SAMD4A: variants seen among roughly 807,000 people sequenced by gnomAD.
The protein encoded by SAMD4A is protein Smaug homolog 1.
SAMD4A carries 33 observed loss-of-function variants against 81.3 expected under a neutral mutation model. The ratio of observed to expected loss-of-function variants is 0.41; its 90% CI spans 0.31 to 0.54. SAMD4A has a LOEUF of 0.54. Among genes scored for constraint, SAMD4A ranks in the 20% least tolerant of loss-of-function variants. SAMD4A has a pLI of 0.37. For synonymous variants in SAMD4A, 389 were observed against 382.1 expected (o/e 1.02, Z -0.21); for missense variants, 854 against 951.1 (o/e 0.90, Z 1.34).
At chr14:54,771,672 A>G (rs1334959792) in intron 9 of SAMD4A, among the ~76,000 whole-genome samples, 4 of 152,218 alleles carry the variant, frequency 2.6e-5, no homozygotes, top group Admixed American at 2.0e-4. Context: ...CTTTTCTCTG[A>G]GAGCAGCAAT....
chr14:54,635,874 A>T (rs1350462593), intron 2 of SAMD4A, among the ~76,000 whole-genome samples: 3 of 152,248 alleles, frequency 2.0e-5, no homozygotes, highest in Non-Finnish European at 4.4e-5. Context: ...TCATTTATTC[A>T]ATCCAGAAAT....
At position 54,758,926 on chromosome 14, in the gene SAMD4A, G is replaced by A. The variant is rs182706971; in HGVS notation, c.1177-1235G>A. Among the ~76,000 whole-genome samples, 251 of 152,282 alleles carry A rather than the reference G, an allele frequency of 1.6e-3. 2 individuals carry two copies. Among genetic ancestry groups the A allele is most frequent in the African/African-American group, 5.9e-3 (243 of 41,536 alleles). The stretch of plus-strand genomic sequence containing the variant: ...GAAGACCTTGATGTGCAGAAACACA[G>A]GGAGAGCAGCTTTGTTGCAGAGGGC... On this transcript the variant is annotated intron_variant, in intron 6 of 12. Transcript: ENST00000554335.
At chr14:54,599,072 G>T (rs558782730) in intron 2 of SAMD4A, among the ~76,000 whole-genome samples, 4 of 152,010 alleles carry the variant, frequency 2.6e-5, no homozygotes, top group Non-Finnish European at 5.9e-5. Flanking sequence ...CTCCCACCTC[G>T]GCCTCCCAAA....
At chr14:54,688,764 C>T (rs1182363410) in intron 2 of SAMD4A, among the ~76,000 whole-genome samples, 1 of 152,104 alleles carries the variant, frequency 6.6e-6, no homozygotes, top group African/African-American at 2.4e-5. Flanking sequence ...ATCATGGTTC[C>T]CACCTGGTTT....
intron 2 of SAMD4A, among the ~76,000 whole-genome samples, chr14:54,591,546 GT>G (rs377233167): frequency 7.0e-6 from 1 of 143,878 alleles, no homozygotes; most frequent in Non-Finnish European, 1.5e-5. Context: ...TTTTTGTTTT[GT>G]TTTTTTTGAG....
chr14:54,659,403 C>T (rs908917653), intron 2 of SAMD4A, among the ~76,000 whole-genome samples: 2 of 151,966 alleles, frequency 1.3e-5, no homozygotes, highest in Admixed American at 6.6e-5. Context: ...TGTGTGTGTG[C>T]GTGCGCACGC....
At chr14:54,643,106 GA>G (rs2035210250) in intron 2 of SAMD4A, among the ~76,000 whole-genome samples, 2 of 152,238 alleles carry the variant, frequency 1.3e-5, no homozygotes, top group Non-Finnish European at 2.9e-5. Context: ...GCAGGAGGGG[GA>G]AAGTCTTTAA....
intron 2 of SAMD4A, among the ~76,000 whole-genome samples, chr14:54,644,435 A>G (rs536398463): frequency 1.6e-4 from 24 of 152,364 alleles, no homozygotes; most frequent in Admixed American, 5.9e-4. Flanking sequence ...CTGGCTATGT[A>G]CTTGACAGAA....
At chr14:54,571,078 G>T (rs1012061403) in intron 2 of SAMD4A, among the ~76,000 whole-genome samples, 1 of 152,148 alleles carries the variant, frequency 6.6e-6, no homozygotes, top group Non-Finnish European at 1.5e-5. Context: ...CTCGTTTTAT[G>T]CAGGACTGAT....
intron 4 of SAMD4A, among the ~76,000 whole-genome samples, chr14:54,738,550 C>T (rs926522719): frequency 2.0e-5 from 3 of 152,178 alleles, no homozygotes; most frequent in Non-Finnish European, 4.4e-5. Flanking sequence ...ATATAACAGG[C>T]AGCAAAAGCC....
intron 8 of SAMD4A, among the ~76,000 whole-genome samples, chr14:54,766,692 T>C (rs138444901): frequency 6.6e-6 from 1 of 152,132 alleles, no homozygotes; most frequent in Admixed American, 6.5e-5. Context: ...CAGCCTCTGA[T>C]AAAAGCACAC....
chr14:54,784,695 T>G, intron 12 of SAMD4A, 75 bp downstream of exon 12: 1 of 1,344,852 alleles, frequency 7.4e-7, no homozygotes, highest in Non-Finnish European at 1.1e-6. Context: ...CTGCTGTCTA[T>G]ACCGTGGCAG....
At chr14:54,757,731 CCT>C (rs1434891719) in intron 6 of SAMD4A, among the ~76,000 whole-genome samples, 1 of 152,166 alleles carries the variant, frequency 6.6e-6, no homozygotes, top group Non-Finnish European at 1.5e-5. Flanking sequence ...AAGCTTCATC[CCT>C]CTCTTTTCCC....
intron 2 of SAMD4A, among the ~76,000 whole-genome samples, chr14:54,684,606 A>ACCCCCCCCCCCCCCCCCCCCCCCCCC (rs2036207098): frequency 1.5e-5 from 1 of 68,758 alleles, no homozygotes; most frequent in African/African-American, 4.7e-5. Context: ...TTGGCCAGAC[A>ACCCCCCCCCCCCCCCCCCCCCCCCCC]CCCCCGCCCC....
intron 2 of SAMD4A, chr14:54,693,797 A>G (rs2140682568): frequency 6.6e-6 from 1 of 152,422 alleles, no homozygotes; most frequent in South Asian, 2.1e-4. Flanking sequence ...AGCATACTGT[A>G]CAGCAGGTCA....
chr14:54,778,807 T>A (rs2038927464), intron 11 of SAMD4A, among the ~76,000 whole-genome samples: 1 of 152,192 alleles, frequency 6.6e-6, no homozygotes, highest in African/African-American at 2.4e-5. Context: ...AGCACCATGC[T>A]GGGTGGCTCT....
chr14:54,716,806 T>C (rs1222171570), intron 3 of SAMD4A, among the ~76,000 whole-genome samples: 1 of 152,190 alleles, frequency 6.6e-6, no homozygotes, highest in Non-Finnish European at 1.5e-5. Flanking sequence ...TCTCTGATTG[T>C]ATGTTTGGAT....
intron 2 of SAMD4A, among the ~76,000 whole-genome samples, chr14:54,683,823 A>G (rs969229877): frequency 6.6e-6 from 1 of 152,202 alleles, no homozygotes; most frequent in African/African-American, 2.4e-5. Flanking sequence ...AGGTGGGCAC[A>G]GTCTTAGTGA....
At chr14:54,644,792 A>T (rs1014422972) in intron 2 of SAMD4A, among the ~76,000 whole-genome samples, 5 of 152,168 alleles carry the variant, frequency 3.3e-5, no homozygotes, top group East Asian at 3.8e-4. Flanking sequence ...TGATTTTTTT[A>T]AAAAGCATAA....
Sources: allele counts gnomAD v4.1 joint callset (sites outside exome capture counted in the v4.1 genomes callset), GRCh38; gene constraint gnomAD v4.1.1; transcripts MANE v1.5; gene names NCBI Gene and HGNC (gene_info 2026-07-23, HGNC 2026-07-21).